The following TYW1 variants were observed in gnomAD, a reference collection of about 807,000 sequenced individuals.
The protein encoded by TYW1 is tRNA-yW synthesizing protein 1 homolog, also known as S-adenosyl-L-methionine-dependent tRNA 4-demethylwyosine synthase TYW1.
A neutral mutation model predicts 96.2 loss-of-function variants in TYW1; 46 were observed. The observed-to-expected ratio is 0.48, with a 90% CI of 0.38 to 0.61. TYW1 has a LOEUF of 0.61. Ranked by LOEUF, TYW1 falls within the 20% of genes least tolerant of loss-of-function variation. The pLI is 0.00. For synonymous variants in TYW1, 274 were observed against 323.0 expected, an observed-to-expected ratio of 0.85 and a Z score of 1.63; for missense variants, 684 against 909.6, an observed-to-expected ratio of 0.75 and a Z score of 3.19.
chr7:67,006,482 C>T (rs1584454223), intron 3 of TYW1, among the ~76,000 whole-genome samples: 1 of 148,714 alleles, frequency 6.7e-6, no homozygotes, highest in East Asian at 2.0e-4. Context: ...CCCAGTTGCC[C>T]AGGCTGGAGT....
intron 12 of TYW1, among the ~76,000 whole-genome samples, chr7:67,112,257 T>A (rs1033783508): frequency 6.6e-6 from 1 of 152,104 alleles, no homozygotes; most frequent in Non-Finnish European, 1.5e-5. Flanking sequence ...TTATGGTATA[T>A]CTCCAGCACC....
chr7:67,148,598 T>TAC (rs1798686514), intron 13 of TYW1, among the ~76,000 whole-genome samples: 1 of 151,854 alleles, frequency 6.6e-6, no homozygotes, highest in Non-Finnish European at 1.5e-5. Context: ...GCTAATTTTT[T>TAC]ATATATATAT....
chr7:67,118,527 A>C (rs1465983569), intron 13 of TYW1, among the ~76,000 whole-genome samples: 8 of 151,806 alleles, frequency 5.3e-5, no homozygotes, highest in Admixed American at 5.3e-4. Context: ...AATATTTTTC[A>C]TCCATGGTTG....
intron 11 of TYW1, among the ~76,000 whole-genome samples, chr7:67,085,282 C>A (rs1796512172): frequency 6.6e-6 from 1 of 152,140 alleles, no homozygotes; most frequent in African/African-American, 2.4e-5. Context: ...CCCCATAATC[C>A]CTATGCGTTG....
chr7:67,014,850 CT>C (rs751718792), intron 5 of TYW1, among the ~76,000 whole-genome samples: 2 of 151,786 alleles, frequency 1.3e-5, no homozygotes, highest in Non-Finnish European at 2.9e-5. Context: ...CTGCCTCAAC[CT>C]CCCGAGTAGC....
At chr7:67,144,468 C>CTTTGT (rs1798543805) in intron 13 of TYW1, among the ~76,000 whole-genome samples, 1 of 143,508 alleles carries the variant, frequency 7.0e-6, no homozygotes. Flanking sequence ...TACAACATCT[C>CTTTGT]TTTGTTTTGT....
chr7:67,188,212 C>T (rs2116322124), intron 14 of TYW1, among the ~76,000 whole-genome samples: 1 of 152,032 alleles, frequency 6.6e-6, no homozygotes, highest in African/African-American at 2.4e-5. Flanking sequence ...CCCAGCTACT[C>T]GGGAGGCTGA....
intron 6 of TYW1, among the ~76,000 whole-genome samples, chr7:67,022,255 A>G (rs1172925590): frequency 6.6e-6 from 1 of 152,148 alleles, no homozygotes; most frequent in East Asian, 1.9e-4. Context: ...AAGCATAGCC[A>G]TGTTCATTCA....
In TYW1 at chr7:67,168,866, C is replaced by T. The variant is rs534490458; in HGVS notation, c.1699-14260C>T. Among the ~76,000 whole-genome samples, 10 of 152,220 alleles carry T rather than the reference C, an allele frequency of 6.6e-5. No individual in the cohort carries two copies. The South Asian group carries it at 1.9e-3, about 28-fold the overall frequency. On this transcript the variant is annotated intron_variant, in intron 13 of 15. Coordinates refer to ENST00000359626, the MANE Select transcript of TYW1 (RefSeq NM_018264.4). The stretch of plus-strand genomic sequence containing the variant: ...AGCTGGGACTACAGGCATGCAACAC[C>T]ATGCCTGGCTAATTTTTGAATTTTT...
At chr7:67,005,207 C>CGTA (rs1331148739) in intron 3 of TYW1, among the ~76,000 whole-genome samples, 5 of 152,150 alleles carry the variant, frequency 3.3e-5, no homozygotes, top group Non-Finnish European at 7.3e-5. Context: ...TTTTTTCTTT[C>CGTA]ATTTCGACTG....
At chr7:67,187,128 A>G (rs986561591) in intron 14 of TYW1, among the ~76,000 whole-genome samples, 1 of 143,000 alleles carries the variant, frequency 7.0e-6, no homozygotes, top group Non-Finnish European at 1.5e-5. Context: ...CAGTGGCACA[A>G]TCTCGGTTCA....
At chr7:67,082,076 T>G (rs1460433482) in intron 10 of TYW1, among the ~76,000 whole-genome samples, 2 of 151,904 alleles carry the variant, frequency 1.3e-5, no homozygotes, top group African/African-American at 4.8e-5. Context: ...TCTCTGAGTT[T>G]CCTTAAGACC....
intron 3 of TYW1, among the ~76,000 whole-genome samples, chr7:67,001,117 A>G (rs1793372806): frequency 6.6e-6 from 1 of 152,186 alleles, no homozygotes; most frequent in Admixed American, 6.6e-5. Context: ...GATCAAACGA[A>G]TACTTGCAGA....
chr7:67,229,795 C>T (rs1044502998), intron 15 of TYW1, among the ~76,000 whole-genome samples: 1 of 152,110 alleles, frequency 6.6e-6, no homozygotes, highest in East Asian at 1.9e-4. Flanking sequence ...CTCTACAAAA[C>T]GTTAAAACAT....
intron 3 of TYW1, among the ~76,000 whole-genome samples, chr7:67,006,695 C>T (rs574401901): frequency 1.6e-4 from 25 of 152,076 alleles, no homozygotes; most frequent in Non-Finnish European, 2.9e-4. Context: ...CCGCCTTGAC[C>T]TCCCAAAGAG....
intron 12 of TYW1, among the ~76,000 whole-genome samples, chr7:67,103,852 C>T (rs1797162489): frequency 6.6e-6 from 1 of 152,148 alleles, no homozygotes; most frequent in African/African-American, 2.4e-5. Flanking sequence ...GCAGCCATGT[C>T]ATCTTTGAGC....
At chr7:67,192,401 C>A (rs1281825988) in intron 14 of TYW1, among the ~76,000 whole-genome samples, 4 of 152,106 alleles carry the variant, frequency 2.6e-5, no homozygotes, top group Non-Finnish European at 2.9e-5. Context: ...AAAAGCTGTT[C>A]TCACGAAGAC....
intron 10 of TYW1, among the ~76,000 whole-genome samples, chr7:67,074,130 T>C (rs984279323): frequency 1.3e-5 from 2 of 149,056 alleles, no homozygotes; most frequent in Admixed American, 6.7e-5. Context: ...AGGAATAGAG[T>C]ATGTGCTTAC....
chr7:67,003,513 T>C (rs1451069725), intron 3 of TYW1, among the ~76,000 whole-genome samples: 5 of 151,308 alleles, frequency 3.3e-5, no homozygotes, highest in Non-Finnish European at 7.4e-5. Context: ...CATAGTAAAC[T>C]GCATGTATTC....
Sources: allele counts gnomAD v4.1 joint callset (sites outside exome capture counted in the v4.1 genomes callset), GRCh38; gene constraint gnomAD v4.1.1; transcripts MANE v1.5; gene names NCBI Gene and HGNC (gene_info 2026-07-23, HGNC 2026-07-21).